The following STK39 variants were observed in gnomAD, a reference collection of about 807,000 sequenced individuals.
The protein encoded by STK39 is STE20/SPS1-related proline-alanine-rich protein kinase.
A neutral mutation model predicts 77.8 loss-of-function variants in STK39; 20 were observed. The ratio of observed to expected loss-of-function variants is 0.26; its 90% CI spans 0.18 to 0.37. The LOEUF (loss-of-function observed/expected upper bound fraction) is 0.37. Among genes scored for constraint, STK39 ranks in the 10% least tolerant of loss-of-function variants. The pLI, the probability that STK39 is intolerant of heterozygous loss-of-function variation, is 1.00. For synonymous variants in STK39, 246 were observed against 234.1 expected (o/e 1.05, Z -0.47); for missense variants, 479 against 656.5 (o/e 0.73, Z 2.95).
chr2:168,210,058 G>A, intron 1 of STK39, among the ~76,000 whole-genome samples: 1 of 148,392 alleles, frequency 6.7e-6, no homozygotes, highest in East Asian at 2.0e-4. Flanking sequence ...AGGAAGGAAG[G>A]AAGGAAGGAA....
rs1690967505 is a variant in STK39 at position 168,247,510 on chromosome 2, G to A, written c.-75C>T. The A allele has an allele frequency of 8.1e-6, 9 of 1,116,568 alleles. No individual in the cohort carries two copies. Among genetic ancestry groups the A allele is most frequent in the South Asian group, 6.9e-5 (3 of 43,254 alleles). 69.2% of individuals were successfully genotyped at this position (1,116,568 alleles called of 1,614,324 possible). On this transcript the variant is annotated 5_prime_UTR_variant, in exon 1 of 18. Coordinates refer to ENST00000355999, the MANE Select transcript of STK39 (RefSeq NM_013233.3). ...CACTTGAAACTTCCTTTGCCTCGCC[G>A]CCGACACCTCTCGGCCGGCGCACGC...
intron 14 of STK39, among the ~76,000 whole-genome samples, chr2:168,059,121 G>C (rs1196219054): frequency 6.6e-6 from 1 of 152,170 alleles, no homozygotes; most frequent in East Asian, 1.9e-4. Context: ...CTCGTGGCTT[G>C]TTTCCTCACT....
At chr2:168,025,982 G>A (rs1042798191) in intron 14 of STK39, among the ~76,000 whole-genome samples, 9 of 152,112 alleles carry the variant, frequency 5.9e-5, no homozygotes, top group African/African-American at 1.2e-4. Flanking sequence ...TCCAACATTC[G>A]GTTTCCTCTG....
intron 1 of STK39, among the ~76,000 whole-genome samples, chr2:168,184,511 T>C (rs1169904761): frequency 7.2e-6 from 1 of 138,392 alleles, no homozygotes; most frequent in East Asian, 2.5e-4. Flanking sequence ...AAAGGCACCT[T>C]AGAGAGCATC....
chr2:168,243,930 TAG>T (rs1202950648), intron 1 of STK39, among the ~76,000 whole-genome samples: 3 of 152,154 alleles, frequency 2.0e-5, no homozygotes, highest in Admixed American at 2.0e-4. Context: ...ATTCCTTCTT[TAG>T]AGAGGTAAGG....
intron 8 of STK39, among the ~76,000 whole-genome samples, chr2:168,135,407 T>C (rs1344984204): frequency 1.3e-5 from 2 of 152,182 alleles, no homozygotes; most frequent in East Asian, 3.9e-4. Context: ...TAAGGCCCAC[T>C]GTACAGACAA....
intron 10 of STK39, among the ~76,000 whole-genome samples, chr2:168,085,742 C>T (rs1207497549): frequency 6.6e-6 from 1 of 152,158 alleles, no homozygotes; most frequent in Admixed American, 6.5e-5. Context: ...CCCACATGTC[C>T]AAGAATCTTG....
intron 10 of STK39, among the ~76,000 whole-genome samples, chr2:168,095,088 G>T (rs1686626886): frequency 6.6e-6 from 1 of 152,088 alleles, no homozygotes; most frequent in Non-Finnish European, 1.5e-5. Flanking sequence ...CTCAGGCCTA[G>T]CTGTCTTTAA....
At chr2:168,063,430 G>GT (rs1685713014) in intron 14 of STK39, 70 bp downstream of exon 14, 31 of 1,349,142 alleles carry the variant, frequency 2.3e-5, no homozygotes, top group Non-Finnish European at 3.2e-5. Flanking sequence ...ATTATGAAAG[G>GT]TTAACGAAGG....
chr2:168,196,920 G>A (rs1021516250), intron 1 of STK39, among the ~76,000 whole-genome samples: 22 of 152,142 alleles, frequency 1.4e-4, no homozygotes, highest in African/African-American at 5.3e-4. Context: ...AGAGGCAGGT[G>A]GAAAGAGGTG....
chr2:168,010,408 T>G (rs1684242330), intron 16 of STK39, among the ~76,000 whole-genome samples: 1 of 152,242 alleles, frequency 6.6e-6, no homozygotes, highest in Admixed American at 6.5e-5. Context: ...AATGAATTCT[T>G]AGACAGAATT....
chr2:168,229,541 A>G (rs1517321), intron 1 of STK39, among the ~76,000 whole-genome samples: 58,372 of 152,164 alleles, frequency 0.38, 12,106 homozygotes, highest in Non-Finnish European at 0.48. Context: ...TAATATTTCT[A>G]TCCTAATAGG....
At chr2:168,203,962 A>T (rs1689676953) in intron 1 of STK39, among the ~76,000 whole-genome samples, 2 of 152,218 alleles carry the variant, frequency 1.3e-5, no homozygotes, top group Admixed American at 1.3e-4. Flanking sequence ...CTGGAATGTG[A>T]AACATGGGAA....
At chr2:168,182,481 G>C (rs949324915) in intron 1 of STK39, among the ~76,000 whole-genome samples, 2 of 152,164 alleles carry the variant, frequency 1.3e-5, no homozygotes, top group Non-Finnish European at 2.9e-5. Context: ...GCTTTCATGA[G>C]AAGCTGAGAT....
At chr2:168,189,092 A>T (rs1345341087) in intron 1 of STK39, among the ~76,000 whole-genome samples, 1 of 152,196 alleles carries the variant, frequency 6.6e-6, no homozygotes, top group African/African-American at 2.4e-5. Context: ...AGCTTACCAA[A>T]AAAATAAAAT....
intron 16 of STK39, among the ~76,000 whole-genome samples, chr2:167,973,083 T>C (rs1252706047): frequency 6.6e-6 from 1 of 152,294 alleles, no homozygotes; most frequent in Admixed American, 6.5e-5. Flanking sequence ...ATGTGTTATG[T>C]GTGTAATGTT....
chr2:168,158,740 A>G (rs1270303554), intron 5 of STK39, among the ~76,000 whole-genome samples: 2 of 152,220 alleles, frequency 1.3e-5, no homozygotes, highest in Non-Finnish European at 2.9e-5. Context: ...AATGGATGCA[A>G]TAGTACCTTC....
At chr2:168,163,991 A>C in intron 3 of STK39, 111 bp from the exon 4 acceptor site, 1 of 1,408,020 alleles carries the variant, frequency 7.1e-7, no homozygotes, top group Non-Finnish European at 9.4e-7. Context: ...GGCTTTATTT[A>C]ATGCAAATAT....
At chr2:168,184,289 C>G (rs1460883758) in intron 1 of STK39, among the ~76,000 whole-genome samples, 1 of 152,174 alleles carries the variant, frequency 6.6e-6, no homozygotes, top group Admixed American at 6.5e-5. Context: ...AGCTTTACAG[C>G]TAGAGAATTG....
Sources: gnomAD v4.1 joint callset for allele counts (sites outside exome capture counted in the v4.1 genomes callset) on GRCh38, gnomAD v4.1.1 for gene constraint, MANE v1.5 for transcripts, NCBI Gene and HGNC (gene_info 2026-07-23, HGNC 2026-07-21) for gene names.